CSMD1: variants seen among roughly 807,000 people sequenced by gnomAD.
The protein encoded by CSMD1 is CUB and sushi domain-containing protein 1.
In CSMD1, 213 loss-of-function variants were observed where a neutral mutation model predicts 417.5. The ratio of observed to expected loss-of-function variants is 0.51; its 90% CI spans 0.46 to 0.57. CSMD1 has a LOEUF of 0.57. Among genes scored for constraint, CSMD1 ranks in the 20% least tolerant of loss-of-function variants. The probability of loss-of-function intolerance (pLI) is 0.00; values close to 1 mark genes in which losing one functional copy is unlikely to be tolerated. For missense variants in CSMD1, 6,923 were observed against 4,529.7 expected (o/e 1.53, Z -15.17); for synonymous variants, 2,862 against 1,736.8 (o/e 1.65, Z -16.11).
chr8:4,555,572 T>C (rs183462439), intron 2 of CSMD1, among the ~76,000 whole-genome samples: 211 of 152,280 alleles, frequency 1.4e-3, no homozygotes, highest in African/African-American at 4.4e-3. Context: ...CCAGGAAGGA[T>C]CATTGATACC....
intron 2 of CSMD1, among the ~76,000 whole-genome samples, chr8:4,609,564 G>A (rs965001288): frequency 8.1e-4 from 123 of 152,278 alleles, no homozygotes; most frequent in African/African-American, 2.8e-3. Context: ...ATGTACAAAA[G>A]TGAGCAGAAT....
intron 3 of CSMD1, among the ~76,000 whole-genome samples, chr8:4,410,667 C>A (rs1165491283): frequency 1.3e-5 from 2 of 151,904 alleles, no homozygotes; most frequent in African/African-American, 4.8e-5. Context: ...TTGCCCCTGA[C>A]ACAAGAGTAT....
rs1397622366 is a variant in CSMD1 at position 4,141,415 on chromosome 8, A to T, written c.416-109316T>A. Among the ~76,000 whole-genome samples, 4 of 151,334 alleles carry T rather than the reference A, an allele frequency of 2.6e-5. No individual in the cohort carries two copies. In the East Asian group the frequency reaches 7.7e-4, roughly 29 times the overall value. ...AAGAAAGATTTGGCTAAACAAAGGA[A>T]ACACAGTGATACCTATCATTTAGAT... is the stretch of plus-strand genomic sequence containing the variant. On this transcript the variant is annotated intron_variant, in intron 3 of 69. Coordinates refer to ENST00000635120, the MANE Select transcript of CSMD1 (RefSeq NM_033225.6).
At chr8:4,500,606 G>A (rs73496653) in intron 2 of CSMD1, among the ~76,000 whole-genome samples, 1,945 of 152,170 alleles carry the variant, frequency 0.013, 57 homozygotes, top group African/African-American at 0.043. Context: ...GGCATTCGGG[G>A]AACTGGTTGT....
intron 54 of CSMD1, among the ~76,000 whole-genome samples, chr8:2,986,273 G>C (rs1260758476): frequency 1.3e-5 from 2 of 152,112 alleles, no homozygotes; most frequent in Non-Finnish European, 2.9e-5. Context: ...GGTTTATCTA[G>C]AGCTCTCAAA....
At chr8:4,089,223 A>T (rs555619119) in intron 3 of CSMD1, among the ~76,000 whole-genome samples, 1 of 152,318 alleles carries the variant, frequency 6.6e-6, no homozygotes, top group South Asian at 2.1e-4. Context: ...TATAAGCTCC[A>T]TAAGGACATG....
At chr8:4,849,864 T>A (rs1382318572) in intron 1 of CSMD1, among the ~76,000 whole-genome samples, 1 of 152,204 alleles carries the variant, frequency 6.6e-6, no homozygotes, top group Non-Finnish European at 1.5e-5. Flanking sequence ...TGTAACTGTA[T>A]ATGTTTTCAT....
chr8:4,655,809 A>C (rs1804194540), intron 1 of CSMD1, among the ~76,000 whole-genome samples: 1 of 152,154 alleles, frequency 6.6e-6, no homozygotes, highest in Non-Finnish European at 1.5e-5. Context: ...AAAGACCTCC[A>C]ACAACAAAAT....
intron 3 of CSMD1, among the ~76,000 whole-genome samples, chr8:4,297,790 A>G (rs1293378997): frequency 6.6e-6 from 1 of 152,200 alleles, no homozygotes; most frequent in Non-Finnish European, 1.5e-5. Context: ...ACATTTCAAA[A>G]GGATTTTCAG....
At chr8:3,103,749 T>TA (rs71199536) in intron 46 of CSMD1, among the ~76,000 whole-genome samples, 1,847 of 150,586 alleles carry the variant, frequency 0.012, 32 homozygotes, top group African/African-American at 0.04. Flanking sequence ...CTTTTTTTTT[T>TA]AAAAAAAAAA....
chr8:4,691,746 G>T (rs1806782712), intron 1 of CSMD1, among the ~76,000 whole-genome samples: 1 of 152,194 alleles, frequency 6.6e-6, no homozygotes, highest in African/African-American at 2.4e-5. Flanking sequence ...TTGGGAATCT[G>T]TAGCTATCTA....
chr8:4,798,918 A>G (rs556647444), intron 1 of CSMD1, among the ~76,000 whole-genome samples: 1 of 152,294 alleles, frequency 6.6e-6, no homozygotes, highest in South Asian at 2.1e-4. Context: ...AAATTCAGCA[A>G]CTGTTTGCAT....
chr8:4,094,271 C>G (rs558038837), intron 3 of CSMD1, among the ~76,000 whole-genome samples: 2 of 152,136 alleles, frequency 1.3e-5, no homozygotes, highest in African/African-American at 2.4e-5. Context: ...GGGTGATCTA[C>G]TGGGGGAGGC....
rs141724355 is a variant in CSMD1 at position 4,440,714 on chromosome 8, G to A, written c.303-20649C>T. The stretch of plus-strand genomic sequence containing the variant: ...ATTATTTTACAAATTAATTAATTCT[G>A]GCCGGGTGTGGTGGTTCATGCCTAT... On this transcript the variant is annotated intron_variant, in intron 2 of 69. Transcript: ENST00000635120. 4.0e-3 allele frequency among the ~76,000 whole-genome samples: 604 copies of A among 152,198 alleles called. 4 individuals carry two copies. The highest frequency in any genetic ancestry group is 6.8e-3 in the Middle Eastern group (2 of 294).
chr8:3,458,421 C>G (rs548769317), intron 12 of CSMD1, among the ~76,000 whole-genome samples: 1 of 152,226 alleles, frequency 6.6e-6, no homozygotes, highest in African/African-American at 2.4e-5. Flanking sequence ...AATGGGTCTT[C>G]TGATATTTTT....
chr8:3,967,660 T>C (rs191726901), intron 5 of CSMD1, among the ~76,000 whole-genome samples: 6 of 152,246 alleles, frequency 3.9e-5, no homozygotes, highest in African/African-American at 7.2e-5. Context: ...TGCCTACAAT[T>C]GTCCTTGTCA....
At chr8:4,672,729 A>G (rs1458699312) in intron 1 of CSMD1, among the ~76,000 whole-genome samples, 2 of 152,194 alleles carry the variant, frequency 1.3e-5, no homozygotes, top group African/African-American at 4.8e-5. Context: ...GTGACACAAC[A>G]CACGCACTCT....
At chr8:3,203,294 C>T (rs1295956492) in intron 31 of CSMD1, among the ~76,000 whole-genome samples, 1 of 152,130 alleles carries the variant, frequency 6.6e-6, no homozygotes, top group East Asian at 1.9e-4. Context: ...CCTTGAGGAA[C>T]CTCCTTCACC....
chr8:4,286,424 C>G (rs1439552293), intron 3 of CSMD1, among the ~76,000 whole-genome samples: 3 of 152,120 alleles, frequency 2.0e-5, no homozygotes, highest in South Asian at 2.1e-4. Context: ...AGAGAAAAAT[C>G]ATGGAGAGTA....
Sources: gnomAD v4.1 joint callset for allele counts (sites outside exome capture counted in the v4.1 genomes callset) on GRCh38, gnomAD v4.1.1 for gene constraint, MANE v1.5 for transcripts, NCBI Gene and HGNC (gene_info 2026-07-23, HGNC 2026-07-21) for gene names.